SPATA13: variants seen among roughly 807,000 people sequenced by gnomAD.
The protein encoded by SPATA13 is spermatogenesis-associated protein 13.
A neutral mutation model predicts 104.0 loss-of-function variants in SPATA13; 50 were observed. That is an observed-to-expected ratio of 0.48 (90% CI 0.38 to 0.61). The LOEUF (loss-of-function observed/expected upper bound fraction) is 0.61, where lower values mean the gene tolerates loss of function less well. Among genes scored for constraint, SPATA13 ranks in the 20% least tolerant of loss-of-function variants. SPATA13 has a pLI of 0.00. For synonymous variants in SPATA13, 606 were observed against 667.5 expected, an observed-to-expected ratio of 0.91 and a Z score of 1.42; for missense variants, 1,524 against 1,690.6, an observed-to-expected ratio of 0.90 and a Z score of 1.73.
At chr13:24,201,602 A>G (rs1870408973) in intron 1 of SPATA13, among the ~76,000 whole-genome samples, 1 of 151,984 alleles carries the variant, frequency 6.6e-6, no homozygotes, top group South Asian at 2.1e-4. Flanking sequence ...CACCACACTC[A>G]GCTAATTTTT....
At chr13:24,148,935 T>C (rs75557883) in intron 3 of SPATA13, among the ~76,000 whole-genome samples, 11,078 of 152,220 alleles carry the variant, frequency 0.073, 1,012 homozygotes, top group African/African-American at 0.22. Flanking sequence ...TACCAGGAAA[T>C]GCTCTCCTAT....
chr13:24,228,108 C>CTTT lies in SPATA13; in HGVS notation c.1653+3547_1653+3549dup, dbSNP rs71186818. ...AATAGGGTTTCTCCCCTCTTGTACT[C>CTTT]TTTTTTTTTTTTTTTTTTTTTTTGA... On this transcript the variant is annotated intron_variant, in intron 2 of 12. Coordinates refer to ENST00000382108, the MANE Select transcript of SPATA13 (RefSeq NM_001166271.3). 4.5e-3 allele frequency among the ~76,000 whole-genome samples: 455 copies of CTTT among 102,226 alleles called. 2 individuals are homozygous for CTTT. The highest frequency in any genetic ancestry group is 7.2e-3 in the African/African-American group (154 of 21,350). The allele number at this position is 102,226 out of a possible 152,430, so 67.1% of individuals were successfully genotyped here. A position where few individuals can be genotyped will look rare whatever the true frequency, so the allele number is the denominator to read the frequency against.
At chr13:24,236,079 G>A (rs974757226) in intron 2 of SPATA13, among the ~76,000 whole-genome samples, 1 of 152,124 alleles carries the variant, frequency 6.6e-6, no homozygotes, top group Admixed American at 6.5e-5. Context: ...GGGTGGGGTC[G>A]GGCCTGCAGC....
intron 3 of SPATA13, among the ~76,000 whole-genome samples, chr13:24,147,963 G>A (rs1881986852): frequency 6.6e-6 from 1 of 152,162 alleles, no homozygotes; most frequent in Non-Finnish European, 1.5e-5. Context: ...TCTATTGTAT[G>A]TATACACCAC....
chr13:24,123,085 C>A, intron 3 of SPATA13: 2 of 979,110 alleles, frequency 2.0e-6, no homozygotes, highest in Admixed American at 3.4e-5. Context: ...GGAGTAAATT[C>A]TTCACTATAT....
intron 3 of SPATA13, among the ~76,000 whole-genome samples, chr13:24,093,815 C>G (rs1046929520): frequency 2.0e-5 from 3 of 152,082 alleles, no homozygotes; most frequent in Non-Finnish European, 4.4e-5. Context: ...ACTTAGAGGA[C>G]TGTGTGTCAA....
chr13:24,148,239 C>T (rs543269904), intron 3 of SPATA13, among the ~76,000 whole-genome samples: 4 of 152,238 alleles, frequency 2.6e-5, no homozygotes, highest in Middle Eastern at 3.4e-3. Context: ...CTTTTGATTA[C>T]GATCGTTACT....
Position 24,307,058 on chromosome 13 carries a change from T to G in SPATA13, c.*4285T>G, listed in dbSNP as rs182439213. 2.0e-5 allele frequency: 3 copies of G among 152,362 alleles called. No homozygotes were observed. 9.4% of individuals were successfully genotyped at this position (152,362 alleles called of 1,614,324 possible). A position where few individuals can be genotyped will look rare whatever the true frequency, so the allele number is the denominator to read the frequency against. ...TATTTGTTGTTTTGTATATTAAAATTCATTTGCCAAACTCGTTCTGATGAT... is the reference window on the plus strand; with the variant it reads ...TATTTGTTGTTTTGTATATTAAAATGCATTTGCCAAACTCGTTCTGATGAT... On this transcript the variant is annotated 3_prime_UTR_variant, in exon 13 of 13. Transcript: ENST00000382108.
intron 3 of SPATA13, among the ~76,000 whole-genome samples, chr13:24,151,461 G>A (rs1882098406): frequency 6.6e-6 from 1 of 152,156 alleles, no homozygotes; most frequent in African/African-American, 2.4e-5. Flanking sequence ...CAATAATAAT[G>A]GCTGTAATAT....
intron 2 of SPATA13, among the ~76,000 whole-genome samples, chr13:23,987,597 A>C (rs969633401): frequency 6.6e-6 from 1 of 152,226 alleles, no homozygotes; most frequent in African/African-American, 2.4e-5. Flanking sequence ...TTATGCAATT[A>C]TGTGTTGACT....
At chr13:24,067,499 C>T (rs1385449482) in intron 3 of SPATA13, among the ~76,000 whole-genome samples, 1 of 152,072 alleles carries the variant, frequency 6.6e-6, no homozygotes, top group Admixed American at 6.5e-5. Context: ...ATCAAAAATA[C>T]AAGTAGATTC....
chr13:24,157,486 G>A (rs1031473456), upstream of SPATA13, among the ~76,000 whole-genome samples: 1 of 152,080 alleles, frequency 6.6e-6, no homozygotes, highest in African/African-American at 2.4e-5. Context: ...ATTTTTAGTA[G>A]AGACGGGGTT....
At chr13:24,206,708 G>A (rs556009092) in intron 1 of SPATA13, among the ~76,000 whole-genome samples, 10 of 152,142 alleles carry the variant, frequency 6.6e-5, no homozygotes, top group South Asian at 2.1e-4. Flanking sequence ...CCTGGCTAAC[G>A]TGGTAAAACC....
At chr13:24,128,348 C>A (rs535065574) in intron 3 of SPATA13, among the ~76,000 whole-genome samples, 7 of 152,296 alleles carry the variant, frequency 4.6e-5, no homozygotes, top group African/African-American at 1.7e-4. Flanking sequence ...ACTTGCCTAA[C>A]CTGCTCTGCA....
At chr13:24,202,962 AT>A (rs199534021) in intron 1 of SPATA13, among the ~76,000 whole-genome samples, 8,432 of 150,208 alleles carry the variant, frequency 0.056, 260 homozygotes, top group Non-Finnish European at 0.067. Flanking sequence ...TTATGGTGAG[AT>A]TTTTTTTTTC....
At chr13:24,245,283 T>TAAA (rs60387853) in intron 2 of SPATA13, among the ~76,000 whole-genome samples, 1 of 143,494 alleles carries the variant, frequency 7.0e-6, no homozygotes, top group African/African-American at 2.5e-5. Flanking sequence ...AAACTTTGCT[T>TAAA]AAAAAAAAAA....
upstream of SPATA13, among the ~76,000 whole-genome samples, chr13:24,158,726 T>C (rs1212219379): frequency 3.3e-5 from 5 of 152,104 alleles, no homozygotes; most frequent in African/African-American, 7.3e-5. Flanking sequence ...AGTTGATAGA[T>C]AGTAAGAGTC....
chr13:24,291,642 G>A (rs1048362417), intron 9 of SPATA13, among the ~76,000 whole-genome samples: 1 of 152,178 alleles, frequency 6.6e-6, no homozygotes, highest in Non-Finnish European at 1.5e-5. Flanking sequence ...AGCTTCCTTG[G>A]TGCCTGACTA....
chr13:24,166,594 A>G (rs1458299676), intron 1 of SPATA13, among the ~76,000 whole-genome samples: 6 of 152,194 alleles, frequency 3.9e-5, no homozygotes, highest in Non-Finnish European at 8.8e-5. Flanking sequence ...AGCATCAGCA[A>G]CACTTGGGGG....
Sources: allele counts gnomAD v4.1 joint callset (sites outside exome capture counted in the v4.1 genomes callset), GRCh38; gene constraint gnomAD v4.1.1; transcripts MANE v1.5; gene names NCBI Gene and HGNC (gene_info 2026-07-23, HGNC 2026-07-21).